The following CCSER1 variants were observed in gnomAD, a reference collection of about 807,000 sequenced individuals.
CCSER1 encodes the protein coiled-coil serine rich protein 1.
A neutral mutation model predicts 82.0 loss-of-function variants in CCSER1; 41 were observed. The ratio of observed to expected loss-of-function variants is 0.50; its 90% CI spans 0.39 to 0.65. The LOEUF is 0.65. Ranked by LOEUF, CCSER1 falls within the 30% of genes least tolerant of loss-of-function variation. The probability of loss-of-function intolerance (pLI) is 0.00; values close to 1 mark genes in which losing one functional copy is unlikely to be tolerated. For missense variants in CCSER1, 1,119 were observed against 1,064.2 expected, an observed-to-expected ratio of 1.05 and a Z score of -0.72; for synonymous variants, 414 against 383.9, an observed-to-expected ratio of 1.08 and a Z score of -0.92.
intron 5 of CCSER1, among the ~76,000 whole-genome samples, chr4:90,561,615 G>A (rs1778767634): frequency 6.6e-6 from 1 of 152,088 alleles, no homozygotes; most frequent in African/African-American, 2.4e-5. Flanking sequence ...CGGCTTATTT[G>A]TGGCCAAATC....
chr4:90,283,645 C>A (rs1371467982), intron 1 of CCSER1, among the ~76,000 whole-genome samples: 1 of 152,000 alleles, frequency 6.6e-6, no homozygotes, highest in African/African-American at 2.4e-5. Flanking sequence ...ACTCATCGAG[C>A]AATCCCTCTT....
chr4:90,185,971 G>C (rs547990897), intron 1 of CCSER1, among the ~76,000 whole-genome samples: 1 of 151,930 alleles, frequency 6.6e-6, no homozygotes, highest in Non-Finnish European at 1.5e-5. Context: ...AATTCATATT[G>C]TGCCACATTA....
At chr4:90,628,741 T>C in intron 6 of CCSER1, among the ~76,000 whole-genome samples, 1 of 152,156 alleles carries the variant, frequency 6.6e-6, no homozygotes, top group Non-Finnish European at 1.5e-5. Context: ...CCCCACAGCT[T>C]GGGCCTAGTT....
intron 8 of CCSER1, among the ~76,000 whole-genome samples, chr4:90,869,431 T>G (rs1452902172): frequency 6.6e-6 from 1 of 152,028 alleles, no homozygotes; most frequent in Non-Finnish European, 1.5e-5. Flanking sequence ...ATATCTAGTT[T>G]TCCCACCACC....
chr4:91,477,883 A>C (rs888268722), intron 10 of CCSER1, among the ~76,000 whole-genome samples: 7 of 151,832 alleles, frequency 4.6e-5, no homozygotes, highest in African/African-American at 1.7e-4. Context: ...TTTGAGCTAG[A>C]GGGCATATGG....
chr4:90,853,840 G>A (rs1238077042), intron 8 of CCSER1, among the ~76,000 whole-genome samples: 1 of 152,098 alleles, frequency 6.6e-6, no homozygotes, highest in South Asian at 2.1e-4. Context: ...ATTCAGATGA[G>A]TTATGTAAAA....
intron 3 of CCSER1, among the ~76,000 whole-genome samples, chr4:90,351,182 A>G (rs947625058): frequency 6.6e-6 from 1 of 152,326 alleles, no homozygotes. Flanking sequence ...ACATACAGTC[A>G]ATCAGATTGA....
At position 90,874,557 on chromosome 4, in the gene CCSER1, C is replaced by T. The variant is rs1172550984; in HGVS notation, c.2095-48813C>T. On this transcript the variant is annotated intron_variant, in intron 8 of 10. Coordinates refer to ENST00000509176, the MANE Select transcript of CCSER1 (RefSeq NM_001145065.2). ...GCTGTTTTTCCCTCCCTCCCAAGAC[C>T]TTGAGAAAGTAACGTAACATTCCTA... 3.3e-5 allele frequency among the ~76,000 whole-genome samples: 5 copies of T among 152,180 alleles called. No individual in the cohort carries two copies. The East Asian group carries it at 9.7e-4, about 29-fold the overall frequency.
At chr4:91,596,027 G>A (rs973261187) in intron 10 of CCSER1, among the ~76,000 whole-genome samples, 5 of 148,642 alleles carry the variant, frequency 3.4e-5, no homozygotes, top group Non-Finnish European at 7.4e-5. Context: ...ATAAATGGTT[G>A]ATTTAAATGT....
intron 1 of CCSER1, among the ~76,000 whole-genome samples, chr4:90,128,274 G>C (rs1042888227): frequency 6.6e-6 from 1 of 152,182 alleles, no homozygotes; most frequent in South Asian, 2.1e-4. Flanking sequence ...AGGCGGGGAC[G>C]GCGGCGAAGA....
intron 9 of CCSER1, among the ~76,000 whole-genome samples, chr4:91,062,431 C>A (rs1383241974): frequency 1.3e-5 from 2 of 152,046 alleles, no homozygotes; most frequent in Non-Finnish European, 2.9e-5. Flanking sequence ...TGGTGATACC[C>A]AACTTCAGGG....
intron 10 of CCSER1, among the ~76,000 whole-genome samples, chr4:91,398,381 GAC>G (rs1252570759): frequency 1.3e-5 from 2 of 151,836 alleles, no homozygotes; most frequent in African/African-American, 4.8e-5. Flanking sequence ...GAGGCTTTAT[GAC>G]AGATTTTTTG....
intron 10 of CCSER1, among the ~76,000 whole-genome samples, chr4:91,308,922 G>C (rs950926247): frequency 6.6e-6 from 1 of 151,798 alleles, no homozygotes; most frequent in Non-Finnish European, 1.5e-5. Context: ...TAATAAAATG[G>C]AAAACAATTG....
chr4:91,352,293 C>G (rs1748524195), intron 10 of CCSER1, among the ~76,000 whole-genome samples: 2 of 152,122 alleles, frequency 1.3e-5, no homozygotes, highest in African/African-American at 4.8e-5. Context: ...CTCTGTCACC[C>G]AGGAGTGCAG....
intron 1 of CCSER1, among the ~76,000 whole-genome samples, chr4:90,292,673 T>G (rs1331102997): frequency 2.6e-5 from 4 of 151,892 alleles, no homozygotes; most frequent in Admixed American, 2.6e-4. Flanking sequence ...CAGCACTTAC[T>G]TAAAAAAAAA....
intron 7 of CCSER1, among the ~76,000 whole-genome samples, chr4:90,758,885 T>TA (rs1363825215): frequency 6.6e-6 from 1 of 152,210 alleles, no homozygotes; most frequent in Admixed American, 6.5e-5. Flanking sequence ...TGGTGATGGC[T>TA]AAAGGGGATA....
chr4:91,340,039 C>T (rs1747607156), intron 10 of CCSER1, among the ~76,000 whole-genome samples: 1 of 152,016 alleles, frequency 6.6e-6, no homozygotes, highest in Non-Finnish European at 1.5e-5. Flanking sequence ...ATCGCTTGAA[C>T]CCGGGAGGCA....
rs1050236861 is a variant in CCSER1 at position 90,786,154 on chromosome 4, G to A, written c.2011-29608G>A. Among the ~76,000 whole-genome samples, 12 of 152,274 alleles carry A rather than the reference G, an allele frequency of 7.9e-5. No homozygotes were observed. In the East Asian group the frequency reaches 2.3e-3, roughly 29 times the overall value. Reference sequence around the variant, plus strand: ...AATCAAAAGGAAAGCTGGGCAGATAGAAAGACGATGGCTCCTAAGCAATGT... The same window carrying A: ...AATCAAAAGGAAAGCTGGGCAGATAAAAAGACGATGGCTCCTAAGCAATGT... On this transcript the variant is annotated intron_variant, in intron 7 of 10. Coordinates refer to ENST00000509176, the MANE Select transcript of CCSER1 (RefSeq NM_001145065.2).
chr4:90,664,763 G>A (rs1257764978), intron 6 of CCSER1, among the ~76,000 whole-genome samples: 1 of 152,114 alleles, frequency 6.6e-6, no homozygotes, highest in Non-Finnish European at 1.5e-5. Context: ...AGCCTGGAAT[G>A]GTGGCACATG....
Sources: allele counts gnomAD v4.1 joint callset (sites outside exome capture counted in the v4.1 genomes callset), GRCh38; gene constraint gnomAD v4.1.1; transcripts MANE v1.5; gene names NCBI Gene and HGNC (gene_info 2026-07-23, HGNC 2026-07-21).